The following RGS11 variants were observed in gnomAD, a reference collection of about 807,000 sequenced individuals.
RGS11 encodes the protein regulator of G-protein signaling 11.
In RGS11, 86 loss-of-function variants were observed where a neutral mutation model predicts 71.1. That is an observed-to-expected ratio of 1.21 (90% confidence interval 1.02 to 1.45). RGS11 has a LOEUF of 1.45. RGS11 is among the 40% of genes most tolerant of loss of function. RGS11 has a pLI of 0.00. For synonymous variants in RGS11, 298 were observed against 254.2 expected (o/e 1.17, Z -1.64); for missense variants, 734 against 635.1 (o/e 1.16, Z -1.67).
chr16:271,815 GC>G, intron 9 of RGS11: 1 of 574,382 alleles, frequency 1.7e-6, no homozygotes, highest in South Asian at 2.3e-5. Flanking sequence ...TCTCAAAGTT[GC>G]AACTGTAATA....
rs368091910 is a variant in RGS11 at position 268,702 on chromosome 16, G to A, written c.*567C>T. The A allele has an allele frequency of 1.4e-6, 2 of 1,467,602 alleles. No homozygotes were observed. The highest frequency in any genetic ancestry group is 1.4e-5 in the African/African-American group (1 of 71,606). The allele number at this position is 1,467,602 out of a possible 1,614,324, so 90.9% of individuals were successfully genotyped here. A position where few individuals can be genotyped will look rare whatever the true frequency, so the allele number is the denominator to read the frequency against. On this transcript the variant is annotated 3_prime_UTR_variant, in exon 17 of 17. Transcript: ENST00000397770. ...ATTCTGGAACGCGTTTGGCGAGGGA[G>A]GAATAGGCGCAGCTCCGGAAGGCAG...
Position 275,445 on chromosome 16 carries a change from C to A in RGS11, c.117G>T (p.Arg39=). 6.3e-7 allele frequency: 1 copy of A among 1,598,842 alleles called. No homozygotes were observed. Among genetic ancestry groups the A allele is most frequent in the Non-Finnish European group, 8.5e-7 (1 of 1,178,582 alleles). Residue 39 remains arginine, a synonymous_variant, in exon 2 of 17, where the codon CGG becomes CGT. Coordinates refer to ENST00000397770, the MANE Select transcript of RGS11 (RefSeq NM_183337.3). ...MQDPDQGVKM[R]SQRLLVTVIP... ...TGACGGTGACCAGCAGGCGCTGGCTCCGCATCTTCACGCCCTGGTCGGGGT... is the reference window on the plus strand; with the variant it reads ...TGACGGTGACCAGCAGGCGCTGGCTACGCATCTTCACGCCCTGGTCGGGGT...
intron 9 of RGS11, 128 bp downstream of exon 9, chr16:272,735 G>A (rs964665865): frequency 2.0e-6 from 3 of 1,503,500 alleles, no homozygotes; most frequent in East Asian, 4.9e-5. Flanking sequence ...CAGGGGCTTG[G>A]GGAGGCTGCA....
Position 268,700 on chromosome 16 carries a change from GAGGAAT to G in RGS11, c.*563_*568del. The G allele has an allele frequency of 6.8e-7, 1 of 1,462,408 alleles. No homozygotes were observed. The allele number at this position is 1,462,408 out of a possible 1,614,324, so 90.6% of individuals were successfully genotyped here. A position where few individuals can be genotyped will look rare whatever the true frequency, so the allele number is the denominator to read the frequency against. Reference sequence around the variant, plus strand: ...AAATTCTGGAACGCGTTTGGCGAGGGAGGAATAGGCGCAGCTCCGGAAGGCAGTGAC... The same window carrying G: ...AAATTCTGGAACGCGTTTGGCGAGGGAGGCGCAGCTCCGGAAGGCAGTGAC... On this transcript the variant is annotated 3_prime_UTR_variant, in exon 17 of 17. Transcript: ENST00000397770.
chr16:272,618 C>A, intron 9 of RGS11: 1 of 1,458,102 alleles, frequency 6.9e-7, no homozygotes, highest in East Asian at 2.5e-5. Context: ...CCCGCCAGCC[C>A]CCTCGTCCCC....
chr16:270,567 C>T lies in RGS11; in HGVS notation c.1162G>A (p.Val388Ile), dbSNP rs1374296910. Residue 388 changes from valine to isoleucine, a missense_variant, in exon 15 of 17, where the codon GTC becomes ATC. Val to Ile is a conservative substitution (Grantham distance 29, BLOSUM62 3). Coordinates refer to ENST00000397770, the MANE Select transcript of RGS11 (RefSeq NM_183337.3). ...ATGTGCAGCTGGGCGTCATCCAGGA[C>T]ATAGCGGTGGGGCTGGCGCAGCCCC... ...LEGLRQPHRY[V>I]LDDAQLHIYM... 1.9e-6 allele frequency: 3 copies of T among 1,609,052 alleles called. No individual in the cohort carries two copies. Among genetic ancestry groups the T allele is most frequent in the Non-Finnish European group, 2.5e-6 (3 of 1,178,176 alleles).
rs1404153532 is a variant in RGS11 at position 270,838 on chromosome 16, G to T, written c.980-7C>A. 1 of 1,609,280 alleles carries T rather than the reference G, an allele frequency of 6.2e-7. No homozygotes were observed. The highest frequency in any genetic ancestry group is 1.3e-5 in the African/African-American group (1 of 74,852). ...CAGAAGCTGAGGTTTTCTCCTGGGG[G>T]GCCGGGCACCCAGTCAAGGATCCCA... On this transcript the variant is annotated splice_region_variant and splice_polypyrimidine_tract_variant and intron_variant, in intron 13 of 16. Coordinates refer to ENST00000397770, the MANE Select transcript of RGS11 (RefSeq NM_183337.3).
In RGS11 at chr16:268,751, G is replaced by A. The variant is rs549474512; in HGVS notation, c.*518C>T. 1.0e-4 allele frequency: 162 copies of A among 1,545,976 alleles called. 1 individual carries two copies. In the African/African-American group the frequency reaches 1.9e-3, roughly 18 times the overall value. ...AGTGACCTCGAGGCAGCCTCAGCAC[G>A]GCACTCTCTTGGGTCCTCTTCCAGG... On this transcript the variant is annotated 3_prime_UTR_variant, in exon 17 of 17. Transcript: ENST00000397770.
At chr16:274,530 C>T (rs909710410) in intron 4 of RGS11, 6 of 596,264 alleles carry the variant, frequency 1.0e-5, no homozygotes, top group Non-Finnish European at 1.8e-5. Flanking sequence ...CGGGGTGGGG[C>T]TGGGGGCCTG....
intron 9 of RGS11, 105 bp from the exon 10 acceptor site, chr16:271,674 C>T (rs1034054116): frequency 8.8e-7 from 1 of 1,142,476 alleles, no homozygotes; most frequent in Non-Finnish European, 1.3e-6. Flanking sequence ...CCCCATAGAT[C>T]TGGCAGAGAT....
chr16:268,992 T>C lies in RGS11; in HGVS notation c.*277A>G. Reference sequence around the variant, plus strand: ...GGTGGAGCTCCCTGTGGCCTTGGTCTCACCTCTCTTCAGGTAACAGGCTCT... The same window carrying C: ...GGTGGAGCTCCCTGTGGCCTTGGTCCCACCTCTCTTCAGGTAACAGGCTCT... On this transcript the variant is annotated 3_prime_UTR_variant, in exon 17 of 17. Coordinates refer to ENST00000397770, the MANE Select transcript of RGS11 (RefSeq NM_183337.3). The C allele has an allele frequency of 6.7e-7, 1 of 1,488,972 alleles. No homozygotes were observed. Among genetic ancestry groups the C allele is most frequent in the Admixed American group, 2.0e-5 (1 of 50,926 alleles). 92.2% of individuals were successfully genotyped at this position (1,488,972 alleles called of 1,614,324 possible). A position where few individuals can be genotyped will look rare whatever the true frequency, so the allele number is the denominator to read the frequency against.
At chr16:275,679 A>AT (rs2052146294) in intron 1 of RGS11, 170 bp downstream of exon 1, 8 of 435,644 alleles carry the variant, frequency 1.8e-5, no homozygotes, top group Middle Eastern at 5.6e-4. Flanking sequence ...GGCCGGGGAG[A>AT]CCCCGGAGAC....
intron 4 of RGS11, 89 bp downstream of exon 4, chr16:274,887 T>G (rs1284997821): frequency 6.9e-7 from 1 of 1,440,970 alleles, no homozygotes; most frequent in African/African-American, 1.5e-5. Flanking sequence ...CCCAGCAAGC[T>G]CGGCGCCCCT....
intron 13 of RGS11, 43 bp from the exon 14 acceptor site, chr16:270,874 C>T: frequency 1.9e-6 from 3 of 1,595,918 alleles, no homozygotes; most frequent in Non-Finnish European, 2.6e-6. Context: ...TCGAGAGTGG[C>T]AGCCAGGGCC....
At position 273,463 on chromosome 16, in the gene RGS11, A is replaced by C. The variant is rs1448228219; in HGVS notation, c.588+12T>G. On this transcript the variant is annotated intron_variant, in intron 8 of 16. Coordinates refer to ENST00000397770, the MANE Select transcript of RGS11 (RefSeq NM_183337.3). ...GGCCAGCGACCCCCACCCTCACCGC[A>C]GGTGGGCTCACCGGGGGCCTGTTCA... is the stretch of plus-strand genomic sequence containing the variant. 1.9e-6 allele frequency: 3 copies of C among 1,543,176 alleles called. No individual in the cohort carries two copies. In the African/African-American group the frequency reaches 4.1e-5, roughly 21 times the overall value.
Position 268,315 on chromosome 16 carries a change from G to A in RGS11, c.*954C>T. On this transcript the variant is annotated 3_prime_UTR_variant, in exon 17 of 17. Coordinates refer to ENST00000397770, the MANE Select transcript of RGS11 (RefSeq NM_183337.3). Reference sequence around the variant, plus strand: ...CTGCACCCACAGCAGGATGGGCTCAGAGCCAGGGCCCAAGGGTCTTTTATT... The same window carrying A: ...CTGCACCCACAGCAGGATGGGCTCAAAGCCAGGGCCCAAGGGTCTTTTATT... The A allele has an allele frequency of 1.2e-5, 3 of 246,236 alleles. No individual in the cohort carries two copies. Among genetic ancestry groups the A allele is most frequent in the South Asian group, 5.8e-5 (1 of 17,198 alleles). 15.3% of individuals were successfully genotyped at this position (246,236 alleles called of 1,614,324 possible).
rs566289383 is a variant in RGS11, at chr16:273,064, C to T, written c.589-133G>A. The T allele has an allele frequency of 1.4e-4, 112 of 828,188 alleles. 1 individual carries two copies. The South Asian group carries it at 1.5e-3, about 11-fold the overall frequency. The allele number at this position is 828,188 out of a possible 1,614,324, so 51.3% of individuals were successfully genotyped here. On this transcript the variant is annotated intron_variant, in intron 8 of 16. Transcript: ENST00000397770. ...AACTCGGGAAGAGTCCCGACCTAGC[C>T]GTCAGCTGTCTCTTCTCTGCTCACC...
Position 270,228 on chromosome 16 carries a change from G to A in RGS11, c.1206+295C>T, listed in dbSNP as rs573483844. 3.6e-4 allele frequency among the ~76,000 whole-genome samples: 55 copies of A among 151,134 alleles called. No individual in the cohort carries two copies. In the South Asian group the frequency reaches 7.1e-3, roughly 19 times the overall value. On this transcript the variant is annotated intron_variant, in intron 15 of 16. Coordinates refer to ENST00000397770, the MANE Select transcript of RGS11 (RefSeq NM_183337.3). ...CCCGCCACTGCACTCCAGCCTGGGCGACAGAGCGAGACTCGCCTCAAAACA... is the reference window on the plus strand; with the variant it reads ...CCCGCCACTGCACTCCAGCCTGGGCAACAGAGCGAGACTCGCCTCAAAACA...
rs1276875568 is a variant in RGS11, at chr16:268,859, G to A, written c.*410C>T. 3 of 1,550,438 alleles carry A rather than the reference G, an allele frequency of 1.9e-6. No individual in the cohort carries two copies. Among genetic ancestry groups the A allele is most frequent in the Admixed American group, 3.9e-5 (2 of 51,010 alleles). Reference sequence around the variant, plus strand: ...TGCATGTCCGCGTCTTGTGACGGGTGTGTGGGAAGCCGCCCGCCTGTGCAT... The same window carrying A: ...TGCATGTCCGCGTCTTGTGACGGGTATGTGGGAAGCCGCCCGCCTGTGCAT... On this transcript the variant is annotated 3_prime_UTR_variant, in exon 17 of 17. Transcript: ENST00000397770.
Sources: allele counts gnomAD v4.1 joint callset (sites outside exome capture counted in the v4.1 genomes callset), GRCh38; gene constraint gnomAD v4.1.1; transcripts MANE v1.5; gene names NCBI Gene and HGNC (gene_info 2026-07-23, HGNC 2026-07-21).